CD96: variants seen among roughly 807,000 people sequenced by gnomAD.
The protein encoded by CD96 is T-cell surface protein tactile.
A neutral mutation model predicts 71.3 loss-of-function variants in CD96; 70 were observed. The observed-to-expected ratio is 0.98, with a 90% confidence interval of 0.81 to 1.20. The LOEUF is 1.20. Ranked by LOEUF, CD96 falls within the 50% of genes most tolerant of loss-of-function variation. The pLI, the probability that CD96 is intolerant of heterozygous loss-of-function variation, is 0.00. For missense variants in CD96, 742 were observed against 677.5 expected (o/e 1.10, Z -1.06); for synonymous variants, 248 against 233.0 (o/e 1.06, Z -0.59).
intron 5 of CD96, among the ~76,000 whole-genome samples, chr3:111,592,538 C>A (rs752468329): frequency 9.9e-5 from 15 of 152,162 alleles, no homozygotes; most frequent in Non-Finnish European, 1.9e-4. Flanking sequence ...GTCATGTTCT[C>A]TTCCATTTTC....
chr3:111,567,701 A>G (rs1935786674), intron 3 of CD96, 54 bp downstream of exon 3: 1 of 1,487,566 alleles, frequency 6.7e-7, no homozygotes, highest in Non-Finnish European at 9.4e-7. Flanking sequence ...ACATTAACGA[A>G]GTAAAATGAA....
intron 3 of CD96, among the ~76,000 whole-genome samples, chr3:111,569,926 T>A (rs1428465118): frequency 6.6e-6 from 1 of 152,164 alleles, no homozygotes; most frequent in Non-Finnish European, 1.5e-5. Context: ...GTAAAATGAT[T>A]CAGTAGTCTT....
downstream of CD96, among the ~76,000 whole-genome samples, chr3:111,652,997 T>C (rs1233939953): frequency 6.6e-6 from 1 of 152,126 alleles, no homozygotes; most frequent in Non-Finnish European, 1.5e-5. Flanking sequence ...CAAAGCACTA[T>C]GTGTTAGTTA....
At chr3:111,625,321 C>A (rs996638091) in intron 10 of CD96, among the ~76,000 whole-genome samples, 26 of 152,152 alleles carry the variant, frequency 1.7e-4, no homozygotes, top group Non-Finnish European at 3.5e-4. Context: ...TCATGAGACA[C>A]TTTCATCATT....
At chr3:111,613,610 A>T (rs77314118) in intron 8 of CD96, among the ~76,000 whole-genome samples, 2,707 of 152,312 alleles carry the variant, frequency 0.018, 41 homozygotes, top group Non-Finnish European at 0.023. Flanking sequence ...TTGTCCAGTT[A>T]ATGTCACTAC....
At chr3:111,659,572 C>T (rs920828124) in intron 14 of CD96, among the ~76,000 whole-genome samples, 37 of 152,120 alleles carry the variant, frequency 2.4e-4, no homozygotes, top group African/African-American at 8.4e-4. Context: ...TCATTAGTTG[C>T]AAGGAATTTT....
chr3:111,617,103 C>A (rs576952645), intron 8 of CD96, among the ~76,000 whole-genome samples: 1 of 152,198 alleles, frequency 6.6e-6, no homozygotes, highest in African/African-American at 2.4e-5. Flanking sequence ...AGACTTTGGG[C>A]GCCAAGGAGC....
chr3:111,558,299 A>G (rs1935186465), intron 2 of CD96, among the ~76,000 whole-genome samples: 1 of 117,330 alleles, frequency 8.5e-6, no homozygotes, highest in African/African-American at 3.6e-5. Flanking sequence ...TTCAAAGGGA[A>G]TGCTTCCAGT....
chr3:111,591,232 G>A (rs1936966155), intron 5 of CD96, among the ~76,000 whole-genome samples: 1 of 152,012 alleles, frequency 6.6e-6, no homozygotes, highest in Non-Finnish European at 1.5e-5. Flanking sequence ...AATTAGCTGG[G>A]CGTGGTGGCA....
At chr3:111,612,994 A>G (rs1414454323) in intron 8 of CD96, 3 of 164,248 alleles carry the variant, frequency 1.8e-5, no homozygotes, top group Non-Finnish European at 3.8e-5. Context: ...CAAAACTCCA[A>G]TGCTTTTCCT....
At position 111,638,165 on chromosome 3, in the gene CD96, A is replaced by C; in HGVS notation, c.1474A>C (p.Thr492Pro). 2 of 1,568,132 alleles carry C rather than the reference A, an allele frequency of 1.3e-6. No homozygotes were observed. The highest frequency in any genetic ancestry group is 1.8e-6 in the Non-Finnish European group (2 of 1,138,140). ...GSTKTNHVHI[T>P]GIVVNKPKDG... ...TACGAAAACTAATCACGTCCATATC[A>C]CTGGTAAGTCATTTATCCTATTTTG... Residue 492 changes from threonine to proline, a missense_variant, in exon 12 of 14, where the codon ACT becomes CCT. By Grantham distance (38) the Thr-to-Pro change is conservative. Transcript: ENST00000352690.
chr3:111,626,609 T>A (rs1489441327), intron 10 of CD96, among the ~76,000 whole-genome samples: 1 of 152,176 alleles, frequency 6.6e-6, no homozygotes, highest in African/African-American at 2.4e-5. Flanking sequence ...TTAGTACATC[T>A]ATGCATGAGA....
intron 13 of CD96, among the ~76,000 whole-genome samples, chr3:111,649,253 G>A (rs1939970490): frequency 6.6e-6 from 1 of 152,118 alleles, no homozygotes; most frequent in African/African-American, 2.4e-5. Context: ...TATCAGTTCT[G>A]GTGAAAAGAC....
intron 5 of CD96, among the ~76,000 whole-genome samples, chr3:111,585,599 C>T (rs1936675432): frequency 6.6e-6 from 1 of 150,926 alleles, no homozygotes; most frequent in African/African-American, 2.4e-5. Flanking sequence ...CACTTTTAGT[C>T]CTTAAATTTC....
chr3:111,643,735 C>CAA (rs56078551), intron 12 of CD96, among the ~76,000 whole-genome samples: 8,971 of 128,038 alleles, frequency 0.07, 360 homozygotes, highest in South Asian at 0.093. Flanking sequence ...ACAATAGCTG[C>CAA]AAAAAAAAAA....
exon 15 of CD96, chr3:111,665,588 C>T (rs1433495586): frequency 2.0e-5 from 3 of 152,098 alleles, no homozygotes; most frequent in Non-Finnish European, 2.9e-5. Flanking sequence ...ATAATTGGAG[C>T]CCTTTGATTT....
chr3:111,617,734 C>T (rs1057357661), intron 8 of CD96, among the ~76,000 whole-genome samples: 5 of 152,130 alleles, frequency 3.3e-5, no homozygotes, highest in Admixed American at 6.5e-5. Context: ...TTCTTGGGGG[C>T]GAGACAAGAA....
rs1559779807 is a variant in CD96 at position 111,649,830 on chromosome 3, C to G, written c.*24C>G. On this transcript the variant is annotated 3_prime_UTR_variant, in exon 14 of 14. Coordinates refer to ENST00000352690, the MANE Select transcript of CD96 (RefSeq NM_005816.5). ...AGTCTCGTGAGACTTTGCCCCATGG[C>G]AGAACTCTGCTGGAATCCTATTGAG... The G allele has an allele frequency of 2.2e-6, 3 of 1,365,752 alleles. No homozygotes were observed. In the East Asian group the frequency reaches 6.9e-5, roughly 31 times the overall value. 84.6% of individuals were successfully genotyped at this position (1,365,752 alleles called of 1,614,324 possible).
At chr3:111,616,040 A>G (rs879307815) in intron 8 of CD96, among the ~76,000 whole-genome samples, 1 of 152,082 alleles carries the variant, frequency 6.6e-6, no homozygotes, top group Admixed American at 6.5e-5. Flanking sequence ...CTCCATGACC[A>G]TCATATTTTA....
Sources: gnomAD v4.1 joint callset for allele counts (sites outside exome capture counted in the v4.1 genomes callset) on GRCh38, gnomAD v4.1.1 for gene constraint, MANE v1.5 for transcripts, NCBI Gene and HGNC (gene_info 2026-07-23, HGNC 2026-07-21) for gene names.